Variants in ERICH1 observed in about 807,000 individuals in gnomAD.
The protein encoded by ERICH1 is glutamate rich 1, also known as glutamate-rich protein 1.
A neutral mutation model predicts 39.6 loss-of-function variants in ERICH1; 56 were observed. The ratio of observed to expected loss-of-function variants is 1.41; its 90% CI spans 1.14 to 1.77. The LOEUF (loss-of-function observed/expected upper bound fraction) is 1.77, where lower values mean the gene tolerates loss of function less well. Among genes scored for constraint, ERICH1 ranks in the 40% most tolerant of loss-of-function variants. ERICH1 has a pLI of 0.00. For missense variants in ERICH1, 826 were observed against 575.4 expected (o/e 1.44, Z -4.45); for synonymous variants, 313 against 223.6 (o/e 1.40, Z -3.57).
chr8:668,868 TAAGG>T (rs1271010680), intron 4 of ERICH1, 76 bp from the exon 5 acceptor site: 2 of 1,371,038 alleles, frequency 1.5e-6, no homozygotes, highest in Non-Finnish European at 2.0e-6. Context: ...TTTCCTCTCT[TAAGG>T]AAGGTCTCAA....
At chr8:714,762 C>T (rs1236960747) in intron 2 of ERICH1, among the ~76,000 whole-genome samples, 6 of 148,390 alleles carry the variant, frequency 4.0e-5, no homozygotes, top group Non-Finnish European at 7.5e-5. Flanking sequence ...GTGGGATGTG[C>T]TGCACCCAGG....
At chr8:721,876 G>C (rs1817407064) in intron 1 of ERICH1, among the ~76,000 whole-genome samples, 1 of 152,182 alleles carries the variant, frequency 6.6e-6, no homozygotes, top group South Asian at 2.1e-4. Context: ...GTACGCTTAT[G>C]AGCTCTAGAT....
intron 2 of ERICH1, 92 bp downstream of exon 2, chr8:715,769 G>A (rs746012005): frequency 5.4e-5 from 82 of 1,507,978 alleles, no homozygotes; most frequent in Non-Finnish European, 6.3e-5. Flanking sequence ...ACAGATGCCC[G>A]AGGCCCAAAA....
chr8:617,108 T>C (rs759418782), intron 3 of ERICH1, among the ~76,000 whole-genome samples: 1 of 152,166 alleles, frequency 6.6e-6, no homozygotes, highest in Non-Finnish European at 1.5e-5. Flanking sequence ...CAGTGCATAT[T>C]ATTCCAGTTT....
rs565428192 is a variant in ERICH1, at chr8:639,640, C to T, written c.977-24356G>A. Among the ~76,000 whole-genome samples, 184 of 148,654 alleles carry T rather than the reference C, an allele frequency of 1.2e-3. 6 individuals are homozygous for T. The highest frequency in any genetic ancestry group is 3.5e-3 in the Middle Eastern group (1 of 286). ...CCACCAATCCAGTTAGCAGACACGA[C>T]CAAGCACCCTGGATTCACAGGCAGC... On this transcript the variant is annotated intron_variant, in intron 3 of 3. Transcript: ENST00000522706.
chr8:623,335 A>G lies in ERICH1; in HGVS notation c.977-8051T>C, dbSNP rs886300663. Among the ~76,000 whole-genome samples, 10 of 152,334 alleles carry G rather than the reference A, an allele frequency of 6.6e-5. No individual in the cohort carries two copies. The South Asian group carries it at 1.9e-3, about 28-fold the overall frequency. Reference sequence around the variant, plus strand: ...CAGGAAAGAAATTTGAGGAAACTCAACACCCTTTCATAATAAAAGGATGCT... The same window carrying G: ...CAGGAAAGAAATTTGAGGAAACTCAGCACCCTTTCATAATAAAAGGATGCT... On this transcript the variant is annotated intron_variant, in intron 3 of 3. Transcript: ENST00000522706.
chr8:673,414 T>G lies in ERICH1; in HGVS notation c.938A>C (p.Glu313Ala), dbSNP rs372328816. 4 of 1,613,778 alleles carry G rather than the reference T, an allele frequency of 2.5e-6. No individual in the cohort carries two copies. In the African/African-American group the frequency reaches 5.3e-5, roughly 22 times the overall value. ...GTCCTCCTCCCCGGAGTCTGCACCC[T>G]CTTCCTCCCCAGCCCATGTCGGGTC... ...EEDPTWAGEE[E>A]GADSGEEDGA... is the part of the protein sequence containing the mutation. Residue 313 changes from glutamate (E) to alanine (A), a missense_variant, in exon 4 of 6, where the codon GAG (glutamate) becomes GCG (alanine). Physicochemically the swap from Glu to Ala is moderately radical, Grantham distance 107 (BLOSUM62 -1). Transcript: ENST00000262109.
chr8:665,869 C>G (rs895239013), intron 5 of ERICH1: 5 of 152,202 alleles, frequency 3.3e-5, no homozygotes, highest in Non-Finnish European at 7.3e-5. Flanking sequence ...GCTCATCCTA[C>G]AGAGGTGAGA....
rs56673268 is a variant in ERICH1, at chr8:697,425, C to T, written c.170-4813G>A. 4.4e-4 allele frequency among the ~76,000 whole-genome samples: 67 copies of T among 152,280 alleles called. 1 individual carries two copies. Among genetic ancestry groups the T allele is most frequent in the African/African-American group, 1.4e-3 (60 of 41,562 alleles). On this transcript the variant is annotated intron_variant, in intron 2 of 5. Coordinates refer to ENST00000262109, the MANE Select transcript of ERICH1 (RefSeq NM_207332.3). ...AAAACCAGGGCCCACGATGCAACTC[C>T]GTCATCCTGCTGCATGCCCACACCT...
chr8:676,732 C>T (rs1414469195), intron 3 of ERICH1, among the ~76,000 whole-genome samples: 1 of 152,206 alleles, frequency 6.6e-6, no homozygotes, highest in Non-Finnish European at 1.5e-5. Flanking sequence ...CCACGGCCGG[C>T]ACACGGCTCC....
intron 4 of ERICH1, among the ~76,000 whole-genome samples, chr8:670,093 G>A (rs914284898): frequency 1.3e-5 from 2 of 151,970 alleles, no homozygotes; most frequent in Non-Finnish European, 2.9e-5. Flanking sequence ...TGCATTCTGG[G>A]GACTTTCTTT....
At chr8:668,417 T>G in intron 5 of ERICH1, 181 bp downstream of exon 5, 1 of 637,286 alleles carries the variant, frequency 1.6e-6, no homozygotes, top group Non-Finnish European at 2.7e-6. Flanking sequence ...ATGTGAAATA[T>G]TTTTATATCA....
chr8:638,296 G>C (rs557754191), intron 3 of ERICH1, among the ~76,000 whole-genome samples: 43 of 152,304 alleles, frequency 2.8e-4, no homozygotes, highest in African/African-American at 1.0e-3. Flanking sequence ...ACATTCCTGG[G>C]GCTCGATGGG....
chr8:717,401 T>G (rs907162003), intron 1 of ERICH1, among the ~76,000 whole-genome samples: 1 of 152,182 alleles, frequency 6.6e-6, no homozygotes, highest in Admixed American at 6.5e-5. Context: ...CGGAGACACC[T>G]TGGCTCTCAG....
chr8:673,424 CA>C lies in ERICH1; in HGVS notation c.927del (p.Glu311ArgfsTer31). On this transcript the variant is annotated frameshift_variant, in exon 4 of 6. Coordinates refer to ENST00000262109, the MANE Select transcript of ERICH1 (RefSeq NM_207332.3). LOFTEE classifies it high-confidence loss of function. Reference sequence around the variant, plus strand: ...CCGGAGTCTGCACCCTCTTCCTCCCCAGCCCATGTCGGGTCTTCCTCGCTGG... The same window carrying C: ...CCGGAGTCTGCACCCTCTTCCTCCCCGCCCATGTCGGGTCTTCCTCGCTGG... ...ADASEEDPTW[A>X]GEEEGADSGE... is the part of the protein sequence containing the mutation. 1 of 1,613,766 alleles carries C rather than the reference CA, an allele frequency of 6.2e-7. No homozygotes were observed. Among genetic ancestry groups the C allele is most frequent in the African/African-American group, 1.3e-5 (1 of 74,908 alleles).
At chr8:708,722 C>G (rs532601946) in intron 2 of ERICH1, among the ~76,000 whole-genome samples, 1 of 55,536 alleles carries the variant, frequency 1.8e-5, no homozygotes, top group East Asian at 7.2e-4. Context: ...GAGACAGGGT[C>G]TCACTGCATT....
At position 692,547 on chromosome 8, in the gene ERICH1, C is replaced by T. The variant is rs770670993; in HGVS notation, c.235G>A (p.Val79Ile). The change falls in exon 3 of 6, where the codon GTC (valine) becomes ATC (isoleucine). Residue 79 changes from valine to isoleucine, a missense_variant. Physicochemically the swap from Val to Ile is conservative, Grantham distance 29. Transcript: ENST00000262109. ...CTGCTGGGCTCCGGCCAACAGGGGA[C>T]GTAGCCCTCAGGAGGCCCGCTGGCA... The part of the protein sequence containing the change: ...YTASGPPEGY[V>I]PCWPEPSSCG... The T allele has an allele frequency of 6.2e-6, 10 of 1,613,544 alleles. No homozygotes were observed. Among genetic ancestry groups the T allele is most frequent in the African/African-American group, 1.3e-5 (1 of 74,858 alleles).
In ERICH1 at chr8:673,822, G is replaced by T; in HGVS notation, c.530C>A (p.Ala177Asp). 6.2e-7 allele frequency: 1 copy of T among 1,614,124 alleles called. No individual in the cohort carries two copies. Among genetic ancestry groups the T allele is most frequent in the Non-Finnish European group, 8.5e-7 (1 of 1,180,046 alleles). Reference sequence around the variant, plus strand: ...ACCAGCAGCCTTTGCTGCCAAGCCGGCTGCTTTCTTCCTTTTAATTTGCTG... The same window carrying T: ...ACCAGCAGCCTTTGCTGCCAAGCCGTCTGCTTTCTTCCTTTTAATTTGCTG... Reference protein sequence around the residue: ...KKQQIKRKKAAGLAAKAAGVS... With the variant: ...KKQQIKRKKADGLAAKAAGVS... Residue 177 changes from alanine (A) to aspartate (D), a missense_variant, in exon 4 of 6, where the codon GCC (alanine) becomes GAC (aspartate). Transcript: ENST00000262109.
intron 1 of ERICH1, among the ~76,000 whole-genome samples, chr8:726,812 C>T (rs561624401): frequency 2.0e-5 from 3 of 151,552 alleles, no homozygotes; most frequent in South Asian, 2.1e-4. Context: ...CATGGACACA[C>T]ACCACACATG....
Sources: gnomAD v4.1 joint callset for allele counts (sites outside exome capture counted in the v4.1 genomes callset) on GRCh38, gnomAD v4.1.1 for gene constraint, MANE v1.5 for transcripts, NCBI Gene and HGNC (gene_info 2026-07-23, HGNC 2026-07-21) for gene names.